The following TMX2 variants were observed in gnomAD, a reference collection of about 807,000 sequenced individuals.
TMX2 encodes the protein thioredoxin-related transmembrane protein 2.
A neutral mutation model predicts 33.4 loss-of-function variants in TMX2; 20 were observed. The ratio of observed to expected loss-of-function variants is 0.60; its 90% CI spans 0.42 to 0.87. The LOEUF is 0.87. TMX2 is among the 40% of genes least tolerant of loss of function. The pLI is 0.00. For synonymous variants in TMX2, 166 were observed against 140.7 expected, an observed-to-expected ratio of 1.18 and a Z score of -1.27; for missense variants, 340 against 370.7, an observed-to-expected ratio of 0.92 and a Z score of 0.68.
chr11:57,720,246 C>G (rs147046708), intron 1 of TMX2, among the ~76,000 whole-genome samples: 1 of 151,860 alleles, frequency 6.6e-6, no homozygotes, highest in Non-Finnish European at 1.5e-5. Context: ...AAACTCTTCT[C>G]TCTTTTGAAT....
intron 1 of TMX2, among the ~76,000 whole-genome samples, chr11:57,733,922 G>A (rs1436056416): frequency 2.0e-5 from 3 of 152,012 alleles, no homozygotes; most frequent in East Asian, 1.9e-4. Flanking sequence ...TGTAATCCCA[G>A]CACTTTGGGA....
chr11:57,718,653 CTTT>C (rs35097323), intron 1 of TMX2: 4,251 of 205,386 alleles, frequency 0.021, no homozygotes, highest in South Asian at 0.038. Context: ...AACCCCCCCT[CTTT>C]TTTTTTTTTT....
intron 1 of TMX2, among the ~76,000 whole-genome samples, chr11:57,717,096 C>G: frequency 6.8e-6 from 1 of 148,070 alleles, no homozygotes; most frequent in Non-Finnish European, 1.5e-5. Flanking sequence ...CCCCACATCT[C>G]AGACGATGGG....
At position 57,738,645 on chromosome 11, in the gene TMX2, T is replaced by TCTTCC; in HGVS notation, c.442-16_442-12dup. On this transcript the variant is annotated intron_variant, in intron 4 of 7. Transcript: ENST00000278422. ...AGGCTATGTGGATCCAGCTGACTTT[T>TCTTCC]CTTCCCTGTATTTGGCAGGAGGAAC... The TCTTCC allele has an allele frequency of 6.2e-7, 1 of 1,609,576 alleles. No individual in the cohort carries two copies. The highest frequency in any genetic ancestry group is 1.3e-5 in the African/African-American group (1 of 74,944).
intron 1 of TMX2, among the ~76,000 whole-genome samples, chr11:57,714,443 C>T (rs913619688): frequency 5.9e-5 from 9 of 151,978 alleles, no homozygotes; most frequent in African/African-American, 2.2e-4. Flanking sequence ...GGAGGGCAGT[C>T]AATTGGGAAG....
intron 1 of TMX2, among the ~76,000 whole-genome samples, chr11:57,728,867 GA>G (rs895653927): frequency 1.3e-5 from 2 of 152,028 alleles, no homozygotes; most frequent in African/African-American, 4.8e-5. Context: ...GCCCTAAAGG[GA>G]AATCCCTTTA....
intron 1 of TMX2, among the ~76,000 whole-genome samples, chr11:57,734,155 T>C (rs1948586649): frequency 1.9e-5 from 1 of 53,614 alleles, no homozygotes; most frequent in Non-Finnish European, 3.2e-5. Context: ...AGACCCTGTC[T>C]CCAAAAAAAA....
chr11:57,716,201 C>T (rs61888875), intron 1 of TMX2, among the ~76,000 whole-genome samples: 40,245 of 149,512 alleles, frequency 0.27, 6,309 homozygotes, highest in East Asian at 0.76. Flanking sequence ...GGCGGCTGGC[C>T]GGGCGGGGGG....
At chr11:57,723,820 T>TAATAATA (rs1039871189) in intron 1 of TMX2, among the ~76,000 whole-genome samples, 4 of 146,318 alleles carry the variant, frequency 2.7e-5, no homozygotes, top group African/African-American at 9.9e-5. Context: ...ATAATAATAA[T>TAATAATA]AATAATAATA....
chr11:57,717,970 AG>A, intron 1 of TMX2: 1 of 736,940 alleles, frequency 1.4e-6, no homozygotes, highest in East Asian at 2.5e-5. Context: ...AATGGGGTAG[AG>A]GGGTGCTCTC....
Position 57,728,855 on chromosome 11 carries a change from C to T in TMX2, c.190-8753C>T, listed in dbSNP as rs551713630. Among the ~76,000 whole-genome samples, 76 of 152,088 alleles carry T rather than the reference C, an allele frequency of 5.0e-4. 1 individual carries two copies. The South Asian group carries it at 0.014, about 28-fold the overall frequency. ...AGGGGTTGACCCCCAAGACGTACAG[C>T]GGCCCTAAAGGGAAATCCCTTTAGG... On this transcript the variant is annotated intron_variant, in intron 1 of 7. Transcript: ENST00000278422.
At chr11:57,729,415 A>G in intron 1 of TMX2, among the ~76,000 whole-genome samples, 1 of 152,058 alleles carries the variant, frequency 6.6e-6, no homozygotes, top group East Asian at 1.9e-4. Flanking sequence ...GTGAAGTTGT[A>G]TTTGTCTCAT....
chr11:57,713,948 A>G (rs894191672), intron 1 of TMX2, among the ~76,000 whole-genome samples: 4 of 152,256 alleles, frequency 2.6e-5, no homozygotes, highest in Non-Finnish European at 5.9e-5. Context: ...ATGAAAACTC[A>G]GGGAAGAGAC....
intron 1 of TMX2, among the ~76,000 whole-genome samples, chr11:57,720,566 A>C (rs779302229): frequency 3.3e-5 from 5 of 152,148 alleles, no homozygotes; most frequent in African/African-American, 1.2e-4. Context: ...ACACACGGCT[A>C]ATTTTTGTAT....
At position 57,720,133 on chromosome 11, in the gene TMX2, A is replaced by G. The variant is rs2508438; in HGVS notation, c.189+7326A>G. Among the ~76,000 whole-genome samples, 241 of 51,982 alleles carry G rather than the reference A, an allele frequency of 4.6e-3. 1 individual carries two copies. Among genetic ancestry groups the G allele is most frequent in the Middle Eastern group, 0.01 (1 of 100 alleles). The allele number at this position is 51,982 out of a possible 152,430, so 34.1% of individuals were successfully genotyped here. ...GTGAAACCCCATCTCTACTAAAAAT[A>G]CAAAAAAAAAAAAAAAAAAAGGTGC... On this transcript the variant is annotated intron_variant, in intron 1 of 7. Transcript: ENST00000278422.
chr11:57,716,298 AC>A (rs1159880342), intron 1 of TMX2, among the ~76,000 whole-genome samples: 1 of 97,138 alleles, frequency 1.0e-5, no homozygotes, highest in Non-Finnish European at 2.0e-5. Context: ...TGTGGGGCTG[AC>A]CCCCCCACCT....
intron 3 of TMX2, 98 bp downstream of exon 3, chr11:57,738,124 A>G (rs1948862978): frequency 1.1e-6 from 1 of 936,386 alleles, no homozygotes; most frequent in Non-Finnish European, 1.6e-6. Flanking sequence ...AATCCCAAAC[A>G]TGTTTCTCCA....
At chr11:57,717,922 T>C (rs2135481221) in intron 1 of TMX2, 5 of 657,700 alleles carry the variant, frequency 7.6e-6, no homozygotes, top group Non-Finnish European at 1.4e-5. Flanking sequence ...CAAAGGGAAC[T>C]GCAGTGAGAG....
intron 1 of TMX2, among the ~76,000 whole-genome samples, chr11:57,729,856 C>T (rs1039308024): frequency 1.3e-5 from 2 of 150,894 alleles, no homozygotes; most frequent in African/African-American, 5.0e-5. Flanking sequence ...GCCTGTAATC[C>T]CAGCACTTTT....
Sources: gnomAD v4.1 joint callset for allele counts (sites outside exome capture counted in the v4.1 genomes callset) on GRCh38, gnomAD v4.1.1 for gene constraint, MANE v1.5 for transcripts, NCBI Gene and HGNC (gene_info 2026-07-23, HGNC 2026-07-21) for gene names.